The following MAF variants were observed in gnomAD, a reference collection of about 807,000 sequenced individuals.
MAF encodes MAF bZIP transcription factor.
In MAF, 10 loss-of-function variants were observed where a neutral mutation model predicts 22.0. The observed-to-expected ratio is 0.45, with a 90% CI of 0.28 to 0.77. MAF has a LOEUF of 0.77. MAF is among the 30% of genes least tolerant of loss of function. The pLI, the probability that MAF is intolerant of heterozygous loss-of-function variation, is 0.12. For synonymous variants in MAF, 337 were observed against 255.8 expected (o/e 1.32, Z -3.03); for missense variants, 544 against 548.4 (o/e 0.99, Z 0.08).
At chr16:79,391,426 T>C in the MAF span, among the ~76,000 whole-genome samples, 3 of 152,168 alleles carry the variant, frequency 2.0e-5, no homozygotes, top group Non-Finnish European at 4.4e-5. Context: ...AGCAATTGAC[T>C]CCACGAGAAG....
the MAF span, among the ~76,000 whole-genome samples, chr16:79,297,983 T>C: frequency 6.6e-6 from 1 of 152,242 alleles, no homozygotes; most frequent in Non-Finnish European, 1.5e-5. Context: ...TCTAATGTGC[T>C]GCTGAGGTCA....
chr16:79,581,898 C>T (rs553593074), downstream of MAF, among the ~76,000 whole-genome samples: 1 of 152,212 alleles, frequency 6.6e-6, no homozygotes, highest in African/African-American at 2.4e-5. Flanking sequence ...CTGTAAATCT[C>T]TCAGCTGGTT....
At chr16:79,453,694 G>T in the MAF span, among the ~76,000 whole-genome samples, 1 of 152,320 alleles carries the variant, frequency 6.6e-6, no homozygotes, top group Non-Finnish European at 1.5e-5. Context: ...TCGGTCACAA[G>T]TGAATTAAGT....
At chr16:79,256,959 A>G in the MAF span, among the ~76,000 whole-genome samples, 5 of 152,148 alleles carry the variant, frequency 3.3e-5, no homozygotes, top group Admixed American at 2.6e-4. Context: ...CGGGCAGATC[A>G]CAAAGTCAGG....
At chr16:79,361,270 T>C in the MAF span, among the ~76,000 whole-genome samples, 1 of 152,120 alleles carries the variant, frequency 6.6e-6, no homozygotes, top group African/African-American at 2.4e-5. Context: ...TTAACTTTAA[T>C]CTACCAGCAT....
chr16:79,353,814 TC>T, the MAF span, among the ~76,000 whole-genome samples: 33 of 152,158 alleles, frequency 2.2e-4, no homozygotes, highest in African/African-American at 7.7e-4. Context: ...GAAAAGCAGA[TC>T]TCAAAGTCTT....
At chr16:79,331,757 C>G in the MAF span, among the ~76,000 whole-genome samples, 1 of 152,128 alleles carries the variant, frequency 6.6e-6, no homozygotes, top group Non-Finnish European at 1.5e-5. Flanking sequence ...CTTTCTGCCC[C>G]CATCTCCTGC....
At chr16:79,584,456 T>G (rs927077309), downstream of MAF, among the ~76,000 whole-genome samples, 3 of 152,216 alleles carry the variant, frequency 2.0e-5, no homozygotes, top group African/African-American at 7.2e-5. Context: ...CTCTCACCTG[T>G]CAATCATGTT....
chr16:79,213,549 T>A, the MAF span, among the ~76,000 whole-genome samples: 1 of 152,248 alleles, frequency 6.6e-6, no homozygotes, highest in African/African-American at 2.4e-5. Context: ...CTTGGCCAAT[T>A]TGGAAAGTGC....
chr16:79,361,614 A>G, the MAF span, among the ~76,000 whole-genome samples: 763 of 152,208 alleles, frequency 5.0e-3, 5 homozygotes, highest in African/African-American at 0.017. Context: ...TGCACAATGG[A>G]GCCCATAGCT....
chr16:79,466,455 G>A, the MAF span, among the ~76,000 whole-genome samples: 1 of 152,152 alleles, frequency 6.6e-6, no homozygotes, highest in Non-Finnish European at 1.5e-5. Flanking sequence ...AAATATTCAA[G>A]CATCTTGAGT....
At chr16:79,230,667 C>A in the MAF span, among the ~76,000 whole-genome samples, 314 of 152,218 alleles carry the variant, frequency 2.1e-3, no homozygotes, top group African/African-American at 7.3e-3. Context: ...AAGAAATTAA[C>A]CAAGTATACG....
At chr16:79,317,372 C>T in the MAF span, among the ~76,000 whole-genome samples, 2 of 146,206 alleles carry the variant, frequency 1.4e-5, no homozygotes, top group African/African-American at 2.5e-5. Context: ...TCCTTTTCTC[C>T]CTTCTTCCTT....
the MAF span, chr16:79,212,570 G>GTCAA: frequency 1.8e-3 from 301 of 163,922 alleles, no homozygotes; most frequent in Admixed American, 3.8e-3. Context: ...CCCTTTGTCT[G>GTCAA]TCAATCACAG....
At chr16:79,481,943 T>C in the MAF span, among the ~76,000 whole-genome samples, 1 of 151,914 alleles carries the variant, frequency 6.6e-6, no homozygotes, top group African/African-American at 2.4e-5. Flanking sequence ...TAGAGAAAAT[T>C]TGTCAGACAC....
chr16:79,560,307 G>A, the MAF span, among the ~76,000 whole-genome samples: 1 of 152,004 alleles, frequency 6.6e-6, no homozygotes, highest in East Asian at 1.9e-4. Context: ...AAAAGGATTT[G>A]AGATGAACGC....
At chr16:79,251,295 TATTTC>T in the MAF span, among the ~76,000 whole-genome samples, 1 of 150,508 alleles carries the variant, frequency 6.6e-6, no homozygotes, top group Non-Finnish European at 1.5e-5. Context: ...TTATGGTTAT[TATTTC>T]TTTTTAAGTC....
chr16:79,597,102 C>G, intron 1 of MAF: 1 of 1,059,206 alleles, frequency 9.4e-7, no homozygotes, highest in Non-Finnish European at 1.1e-6. Flanking sequence ...GTTGCAAGCA[C>G]ATGCTGTATA....
the MAF span, among the ~76,000 whole-genome samples, chr16:79,480,804 C>G: frequency 6.6e-6 from 1 of 152,062 alleles, no homozygotes; most frequent in African/African-American, 2.4e-5. Flanking sequence ...TTCATCAAAC[C>G]CCATTCCCTT....
Sources: allele counts gnomAD v4.1 joint callset (sites outside exome capture counted in the v4.1 genomes callset), GRCh38; gene constraint gnomAD v4.1.1; transcripts MANE v1.5; gene names NCBI Gene and HGNC (gene_info 2026-07-23, HGNC 2026-07-21).